DOCK1: variants seen among roughly 807,000 people sequenced by gnomAD.
DOCK1 encodes the protein dedicator of cytokinesis 1.
A neutral mutation model predicts 262.7 loss-of-function variants in DOCK1; 138 were observed. The observed-to-expected ratio is 0.53, with a 90% CI of 0.46 to 0.61. The LOEUF is 0.61. DOCK1 is among the 20% of genes least tolerant of loss of function. The pLI is 0.00. For missense variants in DOCK1, 1,908 were observed against 2,370.7 expected, an observed-to-expected ratio of 0.80 and a Z score of 4.05; for synonymous variants, 866 against 867.4, an observed-to-expected ratio of 1.00 and a Z score of 0.03.
intron 5 of DOCK1, among the ~76,000 whole-genome samples, 179 bp from the exon 6 acceptor site, chr10:126,990,276 A>G (rs1396707542): frequency 6.6e-6 from 1 of 152,188 alleles, no homozygotes; most frequent in East Asian, 1.9e-4. Context: ...TCGCATGGAA[A>G]CCAAATTCCG....
At chr10:127,059,489 C>A (rs989794743) in intron 22 of DOCK1, among the ~76,000 whole-genome samples, 4 of 152,170 alleles carry the variant, frequency 2.6e-5, no homozygotes, top group Non-Finnish European at 5.9e-5. Context: ...TCTGTATTCT[C>A]TTCCTCAGTA....
At chr10:127,178,811 G>A (rs2055437246) in intron 27 of DOCK1, among the ~76,000 whole-genome samples, 1 of 152,204 alleles carries the variant, frequency 6.6e-6, no homozygotes, top group Admixed American at 6.5e-5. Context: ...GACAAGGCGT[G>A]CCTGCTCAGG....
chr10:127,144,770 G>A (rs908739224), intron 27 of DOCK1, among the ~76,000 whole-genome samples: 1 of 152,030 alleles, frequency 6.6e-6, no homozygotes, highest in African/African-American at 2.4e-5. Context: ...ATGATTCACC[G>A]TAACTTTGTA....
Position 127,026,230 on chromosome 10 carries a change from C to T in DOCK1, c.1552-122C>T, listed in dbSNP as rs535548835. ...AAAATCATATAGGGGACTAGGTGTA[C>T]AGTATTTTCACCACTGCAGTTAGAA... is the stretch of plus-strand genomic sequence containing the variant. On this transcript the variant is annotated intron_variant, in intron 15 of 51. Transcript: ENST00000623213. 4 of 940,772 alleles carry T rather than the reference C, an allele frequency of 4.3e-6. No individual in the cohort carries two copies. The East Asian group carries it at 7.9e-5, about 19-fold the overall frequency. 58.3% of individuals were successfully genotyped at this position (940,772 alleles called of 1,614,324 possible).
intron 28 of DOCK1, among the ~76,000 whole-genome samples, chr10:127,251,949 T>A (rs891234359): frequency 6.6e-6 from 1 of 152,052 alleles, no homozygotes; most frequent in Admixed American, 6.5e-5. Context: ...TCCCTGAGGA[T>A]CTAGAAGCCA....
chr10:127,002,348 A>G (rs529702009), intron 10 of DOCK1, among the ~76,000 whole-genome samples: 24 of 152,328 alleles, frequency 1.6e-4, no homozygotes, highest in African/African-American at 5.8e-4. Context: ...TATATTTCTT[A>G]AAGATGAAAT....
At chr10:127,309,461 T>G (rs1049413686) in intron 29 of DOCK1, among the ~76,000 whole-genome samples, 5 of 104,748 alleles carry the variant, frequency 4.8e-5, no homozygotes, top group African/African-American at 2.4e-4. Context: ...CGGTTGTCAA[T>G]TTTTTGCTTT....
At chr10:127,094,672 C>T (rs2047796602) in intron 23 of DOCK1, among the ~76,000 whole-genome samples, 1 of 152,212 alleles carries the variant, frequency 6.6e-6, no homozygotes, top group Non-Finnish European at 1.5e-5. Flanking sequence ...CACTTATCTT[C>T]TACCCACTTC....
intron 48 of DOCK1, 139 bp from the exon 49 acceptor site, chr10:127,438,888 C>CTCGG: frequency 1.2e-6 from 1 of 802,070 alleles, no homozygotes; most frequent in South Asian, 1.9e-5. Context: ...GACTGTGTAT[C>CTCGG]TGAAGTCACC....
chr10:127,135,757 T>G (rs1396806990), intron 27 of DOCK1: 1 of 152,652 alleles, frequency 6.6e-6, no homozygotes, highest in African/African-American at 2.4e-5. Context: ...TCTAGACTGG[T>G]GTGAAACAGT....
intron 1 of DOCK1, among the ~76,000 whole-genome samples, chr10:126,961,605 A>T (rs2037227672): frequency 6.6e-6 from 1 of 152,182 alleles, no homozygotes; most frequent in African/African-American, 2.4e-5. Flanking sequence ...TTTGTCTGTG[A>T]CTGGCTTATT....
chr10:126,997,499 G>C (rs1018698043), intron 7 of DOCK1, among the ~76,000 whole-genome samples: 4 of 18,880 alleles, frequency 2.1e-4, no homozygotes, highest in Non-Finnish European at 2.3e-4. Flanking sequence ...GAGGGTGTGC[G>C]GGGGGGTGCT....
At position 126,938,522 on chromosome 10, in the gene DOCK1, C is replaced by T. The variant is rs1358047642; in HGVS notation, c.47-32180C>T. Among the ~76,000 whole-genome samples the T allele has an allele frequency of 3.9e-5, 6 of 152,254 alleles. 1 individual carries two copies. In the South Asian group the frequency reaches 8.3e-4, roughly 21 times the overall value. On this transcript the variant is annotated intron_variant, in intron 1 of 51. Transcript: ENST00000623213. ...ATTGGTCTCTGTATATCTGTCTTTA[C>T]GGCAGCTGTTTTGATTGACACTTTT...
chr10:127,059,893 G>A (rs2045419005), intron 22 of DOCK1, among the ~76,000 whole-genome samples: 1 of 152,162 alleles, frequency 6.6e-6, no homozygotes, highest in African/African-American at 2.4e-5. Flanking sequence ...AACTGTAGAA[G>A]CTTCAGATGA....
chr10:127,413,918 T>TTTG (rs2068005971), intron 43 of DOCK1, among the ~76,000 whole-genome samples: 1 of 110,596 alleles, frequency 9.0e-6, no homozygotes, highest in Admixed American at 8.7e-5. Flanking sequence ...TTTCTGAAAA[T>TTTG]TTTTTTTTTT....
At chr10:127,300,685 G>A (rs1011445241) in intron 29 of DOCK1, among the ~76,000 whole-genome samples, 48 of 152,302 alleles carry the variant, frequency 3.2e-4, no homozygotes, top group African/African-American at 1.1e-3. Flanking sequence ...CAGGGAGCTA[G>A]TTTTTCTTGG....
intron 38 of DOCK1, among the ~76,000 whole-genome samples, chr10:127,391,141 G>GGACTCAA (rs1474896369): frequency 6.6e-6 from 1 of 152,148 alleles, no homozygotes; most frequent in Non-Finnish European, 1.5e-5. Flanking sequence ...TACAAAATGG[G>GGACTCAA]GACTCAAGTC....
intron 12 of DOCK1, among the ~76,000 whole-genome samples, chr10:127,014,476 C>T (rs1281663188): frequency 6.6e-6 from 1 of 152,190 alleles, no homozygotes; most frequent in Non-Finnish European, 1.5e-5. Context: ...GATATTTGCG[C>T]AGGCCGGCGT....
At chr10:126,960,355 A>G (rs1285075448) in intron 1 of DOCK1, among the ~76,000 whole-genome samples, 1 of 151,830 alleles carries the variant, frequency 6.6e-6, no homozygotes, top group African/African-American at 2.4e-5. Flanking sequence ...AGGGGTCCTC[A>G]GTGGTGGCTG....
Sources: allele counts gnomAD v4.1 joint callset (sites outside exome capture counted in the v4.1 genomes callset), GRCh38; gene constraint gnomAD v4.1.1; transcripts MANE v1.5; gene names NCBI Gene and HGNC (gene_info 2026-07-23, HGNC 2026-07-21).